Variants in RAB3GAP2 observed in about 807,000 individuals in gnomAD.
RAB3GAP2 encodes RAB3 GTPase activating non-catalytic protein subunit 2.
A neutral mutation model predicts 185.3 loss-of-function variants in RAB3GAP2; 87 were observed. That is an observed-to-expected ratio of 0.47 (90% confidence interval 0.39 to 0.56). The LOEUF (loss-of-function observed/expected upper bound fraction) is 0.56. RAB3GAP2 is among the 20% of genes least tolerant of loss of function. The pLI, the probability that RAB3GAP2 is intolerant of heterozygous loss-of-function variation, is 0.00. For missense variants in RAB3GAP2, 1,492 were observed against 1,638.2 expected (o/e 0.91, Z 1.54); for synonymous variants, 554 against 576.1 (o/e 0.96, Z 0.55).
chr1:220,238,942 T>A (rs1571922363), intron 1 of RAB3GAP2, among the ~76,000 whole-genome samples: 1 of 152,372 alleles, frequency 6.6e-6, no homozygotes, highest in East Asian at 1.9e-4. Flanking sequence ...ATCCTGTGTA[T>A]GTGCACACAC....
intron 7 of RAB3GAP2, among the ~76,000 whole-genome samples, chr1:220,210,151 C>G (rs967742486): frequency 6.6e-6 from 1 of 152,024 alleles, no homozygotes; most frequent in African/African-American, 2.4e-5. Flanking sequence ...TGGCTTCTAA[C>G]TAAAGGGTTT....
intron 8 of RAB3GAP2, among the ~76,000 whole-genome samples, chr1:220,204,077 TG>T (rs1658911969): frequency 6.6e-6 from 1 of 152,154 alleles, no homozygotes; most frequent in African/African-American, 2.4e-5. Context: ...AACTCCTAAA[TG>T]GTTGAGACGG....
chr1:220,205,447 A>G (rs1014303987), intron 8 of RAB3GAP2, among the ~76,000 whole-genome samples: 19 of 152,136 alleles, frequency 1.2e-4, no homozygotes, highest in South Asian at 6.2e-4. Context: ...ACACAGTCAT[A>G]GCTTTATTCT....
chr1:220,196,484 T>C (rs1027755828), intron 9 of RAB3GAP2, 86 bp from the exon 10 acceptor site: 13 of 1,310,296 alleles, frequency 9.9e-6, no homozygotes, highest in African/African-American at 3.0e-5. Flanking sequence ...AGATGCTAAA[T>C]GTTTAGTTTT....
chr1:220,153,369 T>G lies in RAB3GAP2; in HGVS notation c.3683A>C (p.Gln1228Pro). ...ATCTTTGACCTTTGTGGCTGAATGT[T>G]GGGCCTGGACAGCTGCACTGACAAC... ...LKVVSAAVQA[Q>P]HSATKVKDPT... The change falls in exon 33 of 35, where the codon CAA becomes CCA. Residue 1228 changes from glutamine (Q) to proline (P), a missense_variant. Physicochemically the swap from Gln to Pro is moderately conservative, Grantham distance 76. This residue lies in a region of RAB3GAP2 where 387 missense variants were observed against 455.3 expected (regional missense o/e 0.85). Coordinates refer to ENST00000358951, the MANE Select transcript of RAB3GAP2 (RefSeq NM_012414.4). 1 of 1,614,204 alleles carries G rather than the reference T, an allele frequency of 6.2e-7. No individual in the cohort carries two copies. The highest frequency in any genetic ancestry group is 1.1e-5 in the South Asian group (1 of 91,088).
chr1:220,167,447 A>C (rs778430395), intron 25 of RAB3GAP2, 48 bp from the exon 26 acceptor site: 18 of 1,612,826 alleles, frequency 1.1e-5, no homozygotes, highest in Non-Finnish European at 1.4e-5. Flanking sequence ...CTTAATGAAC[A>C]CTTGGCCACA....
intron 31 of RAB3GAP2, 114 bp downstream of exon 31, chr1:220,157,156 C>G: frequency 1.1e-6 from 1 of 928,818 alleles, no homozygotes; most frequent in Non-Finnish European, 1.7e-6. Context: ...TGGAACCTCA[C>G]ACCAAATTAT....
intron 17 of RAB3GAP2, among the ~76,000 whole-genome samples, chr1:220,186,470 G>T (rs142837923): frequency 6.6e-6 from 1 of 152,176 alleles, no homozygotes; most frequent in East Asian, 1.9e-4. Context: ...TGGGCTTAGA[G>T]GGTGGCTCAA....
At chr1:220,160,237 A>G (rs891614250) in intron 28 of RAB3GAP2, among the ~76,000 whole-genome samples, 28 of 152,204 alleles carry the variant, frequency 1.8e-4, no homozygotes, top group African/African-American at 6.0e-4. Context: ...CTACAGTGTA[A>G]TAAGTGGGAG....
chr1:220,175,024 TACTCAATCAAAAATA>T (rs994990153), intron 21 of RAB3GAP2, among the ~76,000 whole-genome samples: 3 of 152,196 alleles, frequency 2.0e-5, no homozygotes, highest in African/African-American at 7.2e-5. Flanking sequence ...AGACATTCTA[TACTCAATCAAAAATA>T]ACTCTGTCTC....
Position 220,151,155 on chromosome 1 carries a change from A to G in RAB3GAP2, c.*96T>C. The G allele has an allele frequency of 7.7e-7, 1 of 1,305,412 alleles. No homozygotes were observed. Among genetic ancestry groups the G allele is most frequent in the Non-Finnish European group, 1.1e-6 (1 of 930,944 alleles). 80.9% of individuals were successfully genotyped at this position (1,305,412 alleles called of 1,614,324 possible). On this transcript the variant is annotated 3_prime_UTR_variant, in exon 35 of 35. Transcript: ENST00000358951. ...TTTACAAAAGGAAAAAAAAAGACAT[A>G]CTTTTCCCATAAAATTCCAGGTCTT... is the stretch of plus-strand genomic sequence containing the variant.
intron 7 of RAB3GAP2, among the ~76,000 whole-genome samples, chr1:220,209,029 T>G (rs1659028948): frequency 6.6e-6 from 1 of 152,162 alleles, no homozygotes; most frequent in African/African-American, 2.4e-5. Context: ...AAAACAATTT[T>G]TGTACTAGTC....
At position 220,157,447 on chromosome 1, in the gene RAB3GAP2, A is replaced by G. The variant is rs1657878150; in HGVS notation, c.3378T>C (p.Asp1126=). ...SRDEIQVPVL[D]TEDAWLSVEG... ...CCACGGAGAGCCACGCATCCTCAGT[A>G]TCCAGCACAGGCACCTGTATTTCAT... The change falls in exon 31 of 35, where the codon GAT becomes GAC. Residue 1126 remains aspartate, a synonymous_variant. Coordinates refer to ENST00000358951, the MANE Select transcript of RAB3GAP2 (RefSeq NM_012414.4). 1 of 1,613,830 alleles carries G rather than the reference A, an allele frequency of 6.2e-7. No individual in the cohort carries two copies. The highest frequency in any genetic ancestry group is 1.1e-5 in the South Asian group (1 of 91,068).
In RAB3GAP2 at chr1:220,204,513, G is replaced by C. The variant is rs371561107; in HGVS notation, c.712+1394C>G. ...TAATTTTTCACCAAAGTTAAACTTT[G>C]TTTTGGGGCCATTAAGGCTCCTCTA... On this transcript the variant is annotated intron_variant, in intron 8 of 34. Coordinates refer to ENST00000358951, the MANE Select transcript of RAB3GAP2 (RefSeq NM_012414.4). Among the ~76,000 whole-genome samples, 17 of 152,172 alleles carry C rather than the reference G, an allele frequency of 1.1e-4. No homozygotes were observed. In the East Asian group the frequency reaches 3.3e-3, roughly 29 times the overall value.
chr1:220,177,764 GAAAGA>G (rs1658320429), intron 21 of RAB3GAP2, among the ~76,000 whole-genome samples: 1 of 152,082 alleles, frequency 6.6e-6, no homozygotes, highest in African/African-American at 2.4e-5. Flanking sequence ...CAGAGGAGAA[GAAAGA>G]AATGAAATGA....
Position 220,213,926 on chromosome 1 carries a change from A to G in RAB3GAP2, c.234T>C (p.Cys78=). The G allele has an allele frequency of 6.2e-7, 1 of 1,613,250 alleles. No homozygotes were observed. Among genetic ancestry groups the G allele is most frequent in the African/African-American group, 1.3e-5 (1 of 75,028 alleles). Residue 78 remains cysteine (C), a synonymous_variant, in exon 3 of 35, where the codon TGT becomes TGC. Coordinates refer to ENST00000358951, the MANE Select transcript of RAB3GAP2 (RefSeq NM_012414.4). The part of the protein sequence containing the change: ...KTQKTSWLQD[C]VLSLSPTNDL... Reference sequence around the variant, plus strand: ...CATTGGTTGGAGATAAGGATAAAACACAATCTTGGAGCCAGGAAGTTTTTT... The same window carrying G: ...CATTGGTTGGAGATAAGGATAAAACGCAATCTTGGAGCCAGGAAGTTTTTT...
At chr1:220,155,954 CT>C (rs548137265) in intron 31 of RAB3GAP2, among the ~76,000 whole-genome samples, 4,006 of 144,348 alleles carry the variant, frequency 0.028, 54 homozygotes, top group Non-Finnish European at 0.03. Flanking sequence ...AAAATCTATA[CT>C]TTTTTTTTTT....
chr1:220,227,988 A>G (rs1429283808), intron 2 of RAB3GAP2, among the ~76,000 whole-genome samples: 3 of 152,148 alleles, frequency 2.0e-5, no homozygotes, highest in African/African-American at 7.2e-5. Context: ...CCTGACCTCA[A>G]GTGATCTGAC....
At chr1:220,172,269 T>C (rs1030120471) in intron 22 of RAB3GAP2, among the ~76,000 whole-genome samples, 1 of 152,234 alleles carries the variant, frequency 6.6e-6, no homozygotes, top group African/African-American at 2.4e-5. Context: ...TATAAATCCT[T>C]ATTTGGAATA....
Sources: gnomAD v4.1 joint callset for allele counts (sites outside exome capture counted in the v4.1 genomes callset) on GRCh38, gnomAD v4.1.1 for gene constraint, gnomAD v4.1.1 regional missense constraint, MANE v1.5 for transcripts, NCBI Gene and HGNC (gene_info 2026-07-23, HGNC 2026-07-21) for gene names.